The following TENM3 variants were observed in gnomAD, a reference collection of about 807,000 sequenced individuals.
TENM3 encodes the protein teneurin-3.
Under a neutral mutation model 255.1 loss-of-function variants are expected in TENM3, and 63 were observed. The observed-to-expected ratio is 0.25, with a 90% confidence interval of 0.20 to 0.30. The LOEUF (loss-of-function observed/expected upper bound fraction) is 0.30, where lower values mean the gene tolerates loss of function less well. Among genes scored for constraint, TENM3 ranks in the 10% least tolerant of loss-of-function variants. The probability of loss-of-function intolerance (pLI) is 1.00; values close to 1 mark genes in which losing one functional copy is unlikely to be tolerated. For synonymous variants in TENM3, 1,306 were observed against 1,322.3 expected (o/e 0.99, Z 0.27); for missense variants, 2,929 against 3,461.1 (o/e 0.85, Z 3.86).
Position 182,179,354 on chromosome 4 carries a change from G to C in TENM3, c.-76+34600G>C, listed in dbSNP as rs1752705007. Among the ~76,000 whole-genome samples, 4 of 152,166 alleles carry C rather than the reference G, an allele frequency of 2.6e-5. No homozygotes were observed. The South Asian group carries it at 8.3e-4, about 31-fold the overall frequency. Reference sequence around the variant, plus strand: ...CTATGGCCAGGATGAACCCACACCAGAGTGAGTCAGCAGTGCATGGTCTTG... The same window carrying C: ...CTATGGCCAGGATGAACCCACACCACAGTGAGTCAGCAGTGCATGGTCTTG... On this transcript the variant is annotated intron_variant, in intron 1 of 2. Coordinates refer to the TENM3 transcript ENST00000512480.
the TENM3 span, among the ~76,000 whole-genome samples, chr4:181,569,895 G>T: frequency 6.6e-6 from 1 of 152,082 alleles, no homozygotes; most frequent in African/African-American, 2.4e-5. Context: ...AGACATTCAG[G>T]AAGAATCAGG....
At chr4:181,953,217 G>A in the TENM3 span, among the ~76,000 whole-genome samples, 2 of 151,868 alleles carry the variant, frequency 1.3e-5, no homozygotes, top group Non-Finnish European at 2.9e-5. Context: ...TGAAGTGGAT[G>A]CTCTTATTAT....
chr4:181,599,477 G>C, the TENM3 span, among the ~76,000 whole-genome samples: 1 of 152,330 alleles, frequency 6.6e-6, no homozygotes, highest in Admixed American at 6.5e-5. Context: ...TGGACAATAA[G>C]AGAGACACTG....
chr4:181,966,969 C>A, the TENM3 span, among the ~76,000 whole-genome samples: 1 of 152,040 alleles, frequency 6.6e-6, no homozygotes, highest in Non-Finnish European at 1.5e-5. Flanking sequence ...CTCTCCCTCC[C>A]CTTCGTTCCC....
chr4:181,682,273 T>C, the TENM3 span, among the ~76,000 whole-genome samples: 1 of 152,194 alleles, frequency 6.6e-6, no homozygotes, highest in East Asian at 1.9e-4. Flanking sequence ...AGCTAGAGTC[T>C]GTACTTTGAA....
chr4:181,496,893 G>A, the TENM3 span, among the ~76,000 whole-genome samples: 1 of 152,110 alleles, frequency 6.6e-6, no homozygotes, highest in Non-Finnish European at 1.5e-5. Flanking sequence ...AACCTTGTGG[G>A]CAGTAACATT....
intron 1 of TENM3, among the ~76,000 whole-genome samples, chr4:182,263,737 C>T (rs1388417431): frequency 6.6e-6 from 1 of 152,130 alleles, no homozygotes; most frequent in Non-Finnish European, 1.5e-5. Context: ...CTTTCCCTTT[C>T]TTATCTCTCT....
At chr4:181,556,737 C>A in the TENM3 span, among the ~76,000 whole-genome samples, 1 of 152,052 alleles carries the variant, frequency 6.6e-6, no homozygotes, top group Admixed American at 6.6e-5. Context: ...TGGTAAAATT[C>A]ATCTGTTATT....
chr4:181,859,262 A>AAC, the TENM3 span, among the ~76,000 whole-genome samples: 1 of 150,148 alleles, frequency 6.7e-6, no homozygotes, highest in South Asian at 2.1e-4. Context: ...AAAAAAAAAA[A>AAC]AAAATCCCTC....
chr4:182,098,989 T>G, the TENM3 span, among the ~76,000 whole-genome samples: 1 of 131,558 alleles, frequency 7.6e-6, no homozygotes, highest in Non-Finnish European at 1.6e-5. Flanking sequence ...TTGGACAGAG[T>G]CTCACTCTGT....
At chr4:182,688,038 G>C in intron 11 of TENM3, 128 bp from the exon 12 acceptor site, 1 of 855,148 alleles carries the variant, frequency 1.2e-6, no homozygotes, top group Non-Finnish European at 1.8e-6. Context: ...AAATACTTTT[G>C]ATTTCTTTTG....
chr4:181,971,600 C>T, the TENM3 span, among the ~76,000 whole-genome samples: 1 of 151,772 alleles, frequency 6.6e-6, no homozygotes, highest in Admixed American at 6.6e-5. Flanking sequence ...AGCGTCTCAC[C>T]CTGTCTCCCA....
chr4:181,869,782 A>G, the TENM3 span, among the ~76,000 whole-genome samples: 1 of 152,194 alleles, frequency 6.6e-6, no homozygotes, highest in African/African-American at 2.4e-5. Context: ...ATTTGTGTCT[A>G]AATTAGTAGA....
At chr4:181,964,591 G>GA in the TENM3 span, among the ~76,000 whole-genome samples, 19,866 of 144,022 alleles carry the variant, frequency 0.14, 1,513 homozygotes, top group South Asian at 0.3. Context: ...AATGTTGCTA[G>GA]AAAAAAAAAA....
chr4:181,734,130 C>T, the TENM3 span, among the ~76,000 whole-genome samples: 53 of 152,138 alleles, frequency 3.5e-4, no homozygotes, highest in African/African-American at 1.1e-3. Flanking sequence ...AGTATGTTTA[C>T]GAATGTTTTT....
chr4:182,729,157 C>A lies in TENM3; in HGVS notation c.2561C>A (p.Pro854His). 1.2e-6 allele frequency: 2 copies of A among 1,613,908 alleles called. No homozygotes were observed. Among genetic ancestry groups the A allele is most frequent in the Non-Finnish European group, 1.7e-6 (2 of 1,179,802 alleles). ...GGATCTGATAGCACCCATGTTATAC[C>A]TGGAGAAAGTCCTTTCAATAAGAGG... ...LIGSDSTHVI[P>H]GESPFNKSLA... is the part of the protein sequence containing the mutation. The change falls in exon 14 of 28, where the codon CCT becomes CAT. Residue 854 changes from proline to histidine, a missense_variant. Physicochemically the swap from Pro to His is moderately conservative, Grantham distance 77. Transcript: ENST00000511685.
chr4:182,048,745 C>G, the TENM3 span, among the ~76,000 whole-genome samples: 3 of 130,116 alleles, frequency 2.3e-5, no homozygotes, highest in Non-Finnish European at 4.8e-5. Flanking sequence ...TCTCACTTTT[C>G]CAGCAGAGCA....
At chr4:182,209,156 C>T (rs968351204) in intron 1 of TENM3, among the ~76,000 whole-genome samples, 3 of 151,030 alleles carry the variant, frequency 2.0e-5, no homozygotes, top group Non-Finnish European at 4.4e-5. Context: ...TTAGTAGCAA[C>T]GGGGTTTCAC....
At chr4:182,051,980 G>T in the TENM3 span, among the ~76,000 whole-genome samples, 1 of 152,026 alleles carries the variant, frequency 6.6e-6, no homozygotes, top group Non-Finnish European at 1.5e-5. Flanking sequence ...GGGTCATTTG[G>T]CAATATCAAG....
Sources: gnomAD v4.1 joint callset for allele counts (sites outside exome capture counted in the v4.1 genomes callset) on GRCh38, gnomAD v4.1.1 for gene constraint, MANE v1.5 for transcripts, NCBI Gene and HGNC (gene_info 2026-07-23, HGNC 2026-07-21) for gene names.